Variants in CPLX2 observed in about 807,000 individuals in gnomAD.
CPLX2 encodes the protein complexin 2, also known as complexin-2.
A neutral mutation model predicts 16.3 loss-of-function variants in CPLX2; 5 were observed. The ratio of observed to expected loss-of-function variants is 0.31; its 90% confidence interval spans 0.16 to 0.64. The LOEUF is 0.64. CPLX2 is among the 30% of genes least tolerant of loss of function. The pLI, the probability that CPLX2 is intolerant of heterozygous loss-of-function variation, is 0.79. For synonymous variants in CPLX2, 89 were observed against 73.2 expected (o/e 1.22, Z -1.10); for missense variants, 144 against 181.4 (o/e 0.79, Z 1.18).
intron 2 of CPLX2, among the ~76,000 whole-genome samples, chr5:175,829,721 G>A (rs1204816282): frequency 6.6e-6 from 1 of 152,180 alleles, no homozygotes; most frequent in Non-Finnish European, 1.5e-5. Context: ...GAGAGCAGAA[G>A]ACCCACTGCA....
intron 2 of CPLX2, among the ~76,000 whole-genome samples, chr5:175,864,138 T>C (rs1179786070): frequency 6.7e-6 from 1 of 149,974 alleles, no homozygotes; most frequent in Non-Finnish European, 1.5e-5. Context: ...AAGCATTGTT[T>C]GATTAGAGCC....
At chr5:175,878,376 T>A (rs995425869) in intron 1 of CPLX2, 1 of 298,350 alleles carries the variant, frequency 3.4e-6, no homozygotes, top group Non-Finnish European at 6.2e-6. Flanking sequence ...CTCTTTCCAA[T>A]GCTCCTGGCT....
At chr5:175,820,559 C>G (rs1758486659) in intron 2 of CPLX2, among the ~76,000 whole-genome samples, 1 of 152,194 alleles carries the variant, frequency 6.6e-6, no homozygotes, top group Non-Finnish European at 1.5e-5. Context: ...AAGGGCCTTT[C>G]TCGTCTCAAG....
At position 175,837,004 on chromosome 5, in the gene CPLX2, T is replaced by C. The variant is rs116666810; in HGVS notation, c.-89+27936T>C. On this transcript the variant is annotated intron_variant, in intron 2 of 4. Transcript: ENST00000359546. The stretch of plus-strand genomic sequence containing the variant: ...GTTTCAGTTCTCAAGAAAACCTCTC[T>C]AGAAGAAACTAGACCCTAACTTGGG... Among the ~76,000 whole-genome samples the C allele has an allele frequency of 9.3e-4, 142 of 152,318 alleles. 1 individual carries two copies. Among genetic ancestry groups the C allele is most frequent in the African/African-American group, 3.3e-3 (136 of 41,572 alleles).
intron 2 of CPLX2, among the ~76,000 whole-genome samples, chr5:175,822,261 A>T (rs1001240010): frequency 1.3e-5 from 2 of 151,814 alleles, no homozygotes; most frequent in Non-Finnish European, 2.9e-5. Flanking sequence ...TTTTCCTTCC[A>T]TCCTTTTCTC....
At chr5:175,873,636 T>C (rs560725185) in intron 1 of CPLX2, among the ~76,000 whole-genome samples, 13 of 152,244 alleles carry the variant, frequency 8.5e-5, no homozygotes, top group African/African-American at 3.1e-4. Flanking sequence ...TGAAATTGCA[T>C]GGAGGGAGTG....
intron 2 of CPLX2, among the ~76,000 whole-genome samples, chr5:175,822,515 TAA>T (rs1758532645): frequency 6.6e-6 from 1 of 152,226 alleles, no homozygotes; most frequent in African/African-American, 2.4e-5. Context: ...TCTTTAGACT[TAA>T]GTGACAGAAA....
intron 2 of CPLX2, among the ~76,000 whole-genome samples, chr5:175,863,908 C>T (rs1759415927): frequency 6.6e-6 from 1 of 152,196 alleles, no homozygotes; most frequent in Non-Finnish European, 1.5e-5. Flanking sequence ...GAACCATCTC[C>T]CCCATTTTCC....
intron 2 of CPLX2, among the ~76,000 whole-genome samples, chr5:175,832,958 C>G (rs1384534929): frequency 6.6e-6 from 1 of 152,088 alleles, no homozygotes; most frequent in Admixed American, 6.5e-5. Context: ...AAGTTCAAGA[C>G]CAAGCTGGCC....
intron 2 of CPLX2, among the ~76,000 whole-genome samples, chr5:175,813,265 T>A (rs1758345943): frequency 6.6e-6 from 1 of 152,222 alleles, no homozygotes; most frequent in Non-Finnish European, 1.5e-5. Context: ...AATAAAATTG[T>A]GATCTTTTTA....
At chr5:175,819,132 T>G (rs1291763490) in intron 2 of CPLX2, among the ~76,000 whole-genome samples, 1 of 152,180 alleles carries the variant, frequency 6.6e-6, no homozygotes, top group Non-Finnish European at 1.5e-5. Context: ...TAGACCAAAA[T>G]GCAGTTCTAG....
intron 2 of CPLX2, among the ~76,000 whole-genome samples, chr5:175,852,322 G>A (rs1380670417): frequency 6.6e-6 from 1 of 152,198 alleles, no homozygotes; most frequent in African/African-American, 2.4e-5. Flanking sequence ...ATGAGCAAAC[G>A]GAGGTTTTGA....
chr5:175,846,944 C>G (rs765662209), intron 2 of CPLX2, among the ~76,000 whole-genome samples: 1 of 152,216 alleles, frequency 6.6e-6, no homozygotes, highest in Admixed American at 6.5e-5. Context: ...GCTGGGCAAC[C>G]TTGGGCACGT....
chr5:175,800,621 T>C (rs138928011), intron 1 of CPLX2, among the ~76,000 whole-genome samples: 6 of 152,306 alleles, frequency 3.9e-5, no homozygotes, highest in African/African-American at 9.6e-5. Flanking sequence ...TTAGATGCAG[T>C]ATATTACCTG....
intron 2 of CPLX2, among the ~76,000 whole-genome samples, chr5:175,827,633 C>T (rs1758643370): frequency 1.3e-5 from 2 of 152,148 alleles, no homozygotes; most frequent in South Asian, 4.1e-4. Flanking sequence ...CAGTGCCGAG[C>T]ACCTGTAATC....
chr5:175,867,279 G>A (rs1759494429), upstream of CPLX2, among the ~76,000 whole-genome samples: 1 of 151,984 alleles, frequency 6.6e-6, no homozygotes, highest in Admixed American at 6.6e-5. Context: ...CACCCTTACT[G>A]CCCTACACAA....
In CPLX2 at chr5:175,883,947, C is replaced by A. The variant is rs965470164; in HGVS notation, c.*3902C>A. 2.0e-5 allele frequency: 3 copies of A among 152,638 alleles called. No homozygotes were observed. Among genetic ancestry groups the A allele is most frequent in the African/African-American group, 4.8e-5 (2 of 41,398 alleles). The allele number at this position is 152,638 out of a possible 1,614,324, so 9.5% of individuals were successfully genotyped here. A position where few individuals can be genotyped will look rare whatever the true frequency, so the allele number is the denominator to read the frequency against. Reference sequence around the variant, plus strand: ...CTGACCAAAAGCCATGGCTGTTGCTCCCCCCTTTGTATGATGCAAATGCTG... The same window carrying A: ...CTGACCAAAAGCCATGGCTGTTGCTACCCCCTTTGTATGATGCAAATGCTG... On this transcript the variant is annotated 3_prime_UTR_variant, in exon 4 of 4. Transcript: ENST00000393745.
intron 2 of CPLX2, among the ~76,000 whole-genome samples, chr5:175,858,001 C>A (rs1263834098): frequency 6.6e-6 from 1 of 152,240 alleles, no homozygotes. Flanking sequence ...TGTCTCAGCC[C>A]AGCAACGTGC....
At chr5:175,805,065 A>G (rs1004726862) in intron 1 of CPLX2, among the ~76,000 whole-genome samples, 5 of 152,236 alleles carry the variant, frequency 3.3e-5, no homozygotes, top group African/African-American at 9.6e-5. Context: ...TGCTTGGCAC[A>G]TAGTAAGCAT....
Sources: allele counts gnomAD v4.1 joint callset (sites outside exome capture counted in the v4.1 genomes callset), GRCh38; gene constraint gnomAD v4.1.1; transcripts MANE v1.5; gene names NCBI Gene and HGNC (gene_info 2026-07-23, HGNC 2026-07-21).